Variants in APP observed in about 807,000 individuals in gnomAD.
The protein encoded by APP is amyloid beta precursor protein.
A neutral mutation model predicts 101.4 loss-of-function variants in APP; 31 were observed. That is an observed-to-expected ratio of 0.31 (90% confidence interval 0.23 to 0.41). APP has a LOEUF of 0.41. APP is among the 10% of genes least tolerant of loss of function. The pLI is 1.00. For synonymous variants in APP, 366 were observed against 364.4 expected, an observed-to-expected ratio of 1.00 and a Z score of -0.05; for missense variants, 839 against 1,003.7, an observed-to-expected ratio of 0.84 and a Z score of 2.22.
chr21:26,152,249 C>T (rs919830899), intron 1 of APP, among the ~76,000 whole-genome samples: 2 of 124,022 alleles, frequency 1.6e-5, no homozygotes, highest in Non-Finnish European at 3.1e-5. Context: ...CGCGCCACTG[C>T]ACTCCAGTCT....
chr21:26,014,241 G>A (rs2043953271), intron 6 of APP, among the ~76,000 whole-genome samples: 1 of 152,146 alleles, frequency 6.6e-6, no homozygotes, highest in African/African-American at 2.4e-5. Flanking sequence ...TTTACCCCAA[G>A]CTTTGTGGAG....
chr21:25,897,767 T>G, intron 15 of APP, 94 bp from the exon 16 acceptor site: 2 of 1,034,822 alleles, frequency 1.9e-6, no homozygotes, highest in Admixed American at 3.4e-5. Flanking sequence ...AAAACTTCTT[T>G]CTAGGCCTGA....
chr21:26,166,950 G>C (rs866335007), intron 1 of APP, among the ~76,000 whole-genome samples: 89 of 150,144 alleles, frequency 5.9e-4, no homozygotes, highest in African/African-American at 1.1e-3. Flanking sequence ...GTGTGTGTGT[G>C]TGTCTGTCTG....
In APP at chr21:25,953,739, CAT is replaced by C. The variant is rs1300428655; in HGVS notation, c.1687+849_1687+850del. On this transcript the variant is annotated intron_variant, in intron 13 of 17. Transcript: ENST00000346798. ...GGCATTTTGGCAGCTGACAGAGACTCATGTGGTATTTTATTCTCTTTCCAAGA... is the reference window on the plus strand; with the variant it reads ...GGCATTTTGGCAGCTGACAGAGACTCGTGGTATTTTATTCTCTTTCCAAGA... Among the ~76,000 whole-genome samples the C allele has an allele frequency of 1.1e-4, 16 of 152,164 alleles. No individual in the cohort carries two copies. In the South Asian group the frequency reaches 1.4e-3, roughly 14 times the overall value.
chr21:25,911,848 T>A lies in APP; in HGVS notation c.1802A>T (p.Lys601Ile). ...DALMPSLTET[K>I]TTVELLPVNG... is the part of the protein sequence containing the mutation. The stretch of plus-strand genomic sequence containing the variant: ...CACGGGAAGGAGCTCCACGGTGGTT[T>A]TCGTTTCGGTCAAAGATGGCATGAG... Residue 601 changes from lysine to isoleucine, a missense_variant, in exon 14 of 18, where the codon AAA (lysine) becomes ATA (isoleucine). Physicochemically the swap from Lys to Ile is moderately radical, Grantham distance 102. Transcript: ENST00000346798. 4 of 1,614,210 alleles carry A rather than the reference T, an allele frequency of 2.5e-6. No individual in the cohort carries two copies. The highest frequency in any genetic ancestry group is 3.4e-6 in the Non-Finnish European group (4 of 1,180,038).
intron 13 of APP, among the ~76,000 whole-genome samples, chr21:25,931,480 G>C (rs962999752): frequency 6.6e-6 from 1 of 152,142 alleles, no homozygotes; most frequent in Non-Finnish European, 1.5e-5. Flanking sequence ...GGAATTCTAC[G>C]GGTCAAGTGA....
At chr21:26,068,300 G>C (rs1230113208) in intron 3 of APP, 1 of 151,538 alleles carries the variant, frequency 6.6e-6, no homozygotes, top group Non-Finnish European at 1.5e-5. Flanking sequence ...TCAAGGTCAA[G>C]AACAACAAAT....
chr21:25,885,202 G>A (rs1306591433), intron 17 of APP, among the ~76,000 whole-genome samples: 5 of 152,160 alleles, frequency 3.3e-5, no homozygotes, highest in Admixed American at 3.3e-4. Context: ...AGCTAGATGC[G>A]AAAATCTGAG....
intron 1 of APP, among the ~76,000 whole-genome samples, chr21:26,136,202 A>AAAGAAAGAAAGAAAGAAAGAAAT (rs137962980): frequency 9.9e-6 from 1 of 100,604 alleles, no homozygotes; most frequent in African/African-American, 4.2e-5. Flanking sequence ...AGAAAGAAAG[A>AAAGAAAGAAAGAAAGAAAGAAAT]AAAGAAAAGA....
At chr21:26,145,864 T>C (rs1450330588) in intron 1 of APP, among the ~76,000 whole-genome samples, 1 of 152,226 alleles carries the variant, frequency 6.6e-6, no homozygotes, top group African/African-American at 2.4e-5. Flanking sequence ...TATACATCAG[T>C]ATGGTTATGC....
intron 14 of APP, among the ~76,000 whole-genome samples, chr21:25,910,943 C>A (rs2039041387): frequency 6.6e-6 from 1 of 152,220 alleles, no homozygotes; most frequent in Non-Finnish European, 1.5e-5. Context: ...CAAAACTCCT[C>A]TCTGTTGGTA....
intron 6 of APP, among the ~76,000 whole-genome samples, chr21:26,005,080 CTT>C (rs1468103642): frequency 6.6e-6 from 1 of 152,004 alleles, no homozygotes; most frequent in East Asian, 1.9e-4. Context: ...GGTGTCAAGT[CTT>C]TGCTATTGAA....
chr21:26,143,975 A>C (rs1431145707), intron 1 of APP, among the ~76,000 whole-genome samples: 1 of 152,150 alleles, frequency 6.6e-6, no homozygotes, highest in African/African-American at 2.4e-5. Context: ...AGTAATTTAT[A>C]AAAGAAACAG....
chr21:26,129,847 A>C (rs1390737146), intron 1 of APP, among the ~76,000 whole-genome samples: 1 of 152,192 alleles, frequency 6.6e-6, no homozygotes, highest in African/African-American at 2.4e-5. Flanking sequence ...TCCCATTTTC[A>C]CACAAGTGAA....
At chr21:26,033,775 G>T (rs781753152) in intron 5 of APP, among the ~76,000 whole-genome samples, 1 of 152,204 alleles carries the variant, frequency 6.6e-6, no homozygotes, top group Non-Finnish European at 1.5e-5. Flanking sequence ...TGCTCGTGAA[G>T]CCTACTGAGA....
intron 2 of APP, among the ~76,000 whole-genome samples, chr21:26,110,541 T>C (rs1472530249): frequency 6.6e-6 from 1 of 152,142 alleles, no homozygotes; most frequent in East Asian, 1.9e-4. Context: ...CATACTCCTT[T>C]CAAGATAAAA....
intron 1 of APP, among the ~76,000 whole-genome samples, chr21:26,115,379 G>A (rs1268351432): frequency 6.6e-6 from 1 of 152,204 alleles, no homozygotes; most frequent in Non-Finnish European, 1.5e-5. Flanking sequence ...TTAGCTTGGA[G>A]ATACAAATTG....
chr21:25,991,575 G>A (rs930312084), intron 8 of APP, among the ~76,000 whole-genome samples: 1 of 152,100 alleles, frequency 6.6e-6, no homozygotes, highest in African/African-American at 2.4e-5. Flanking sequence ...ATGGGGTTTC[G>A]CCATGTTGGC....
chr21:26,160,128 A>G lies in APP; in HGVS notation c.57+10436T>C, dbSNP rs766186238. On this transcript the variant is annotated intron_variant, in intron 1 of 17. Transcript: ENST00000346798. ...AGCCAAATACTCACATGGCTACTCT[A>G]TCATCACCTGGAAATCTCCCAGCTT... 2.0e-4 allele frequency among the ~76,000 whole-genome samples: 30 copies of G among 152,072 alleles called. 1 individual carries two copies. The highest frequency in any genetic ancestry group is 3.4e-4 in the Non-Finnish European group (23 of 68,018).
Sources: allele counts gnomAD v4.1 joint callset (sites outside exome capture counted in the v4.1 genomes callset), GRCh38; gene constraint gnomAD v4.1.1; transcripts MANE v1.5; gene names NCBI Gene and HGNC (gene_info 2026-07-23, HGNC 2026-07-21).